Variants in ALK observed in about 807,000 individuals in gnomAD.
ALK encodes the protein ALK receptor tyrosine kinase, also known as ALK tyrosine kinase receptor.
A neutral mutation model predicts 163.1 loss-of-function variants in ALK; 74 were observed. The observed-to-expected ratio is 0.45, with a 90% CI of 0.38 to 0.55. ALK has a LOEUF of 0.55. ALK is among the 20% of genes least tolerant of loss of function. The pLI is 0.00. For synonymous variants in ALK, 960 were observed against 843.2 expected, an observed-to-expected ratio of 1.14 and a Z score of -2.40; for missense variants, 2,063 against 2,105.3, an observed-to-expected ratio of 0.98 and a Z score of 0.39.
chr2:29,357,430 G>C (rs1558691431), intron 5 of ALK, among the ~76,000 whole-genome samples: 1 of 152,174 alleles, frequency 6.6e-6, no homozygotes, highest in Non-Finnish European at 1.5e-5. Flanking sequence ...GGAGAAGTGG[G>C]CTCTTTATTC....
rs1459665867 is a variant in ALK at position 29,802,248 on chromosome 2, C to A, written c.668-84551G>T. Among the ~76,000 whole-genome samples, 3 of 149,112 alleles carry A rather than the reference C, an allele frequency of 2.0e-5. No homozygotes were observed. In the Admixed American group the frequency reaches 2.0e-4, roughly 10 times the overall value. On this transcript the variant is annotated intron_variant, in intron 1 of 28. Coordinates refer to ENST00000389048, the MANE Select transcript of ALK (RefSeq NM_004304.5). ...CTTAGAGGTTGATTGCACTGGGCAACTTCCATGGTCTTGCTTATCAAGAGA... is the reference window on the plus strand; with the variant it reads ...CTTAGAGGTTGATTGCACTGGGCAAATTCCATGGTCTTGCTTATCAAGAGA...
intron 4 of ALK, among the ~76,000 whole-genome samples, chr2:29,387,877 T>C (rs976300189): frequency 1.3e-5 from 2 of 152,278 alleles, no homozygotes; most frequent in Middle Eastern, 3.4e-3. Context: ...ATATTATTGC[T>C]CCAAGACTGC....
intron 4 of ALK, among the ~76,000 whole-genome samples, chr2:29,519,637 C>T (rs1247159843): frequency 6.6e-6 from 1 of 152,134 alleles, no homozygotes; most frequent in Non-Finnish European, 1.5e-5. Flanking sequence ...AGAGGTTAAA[C>T]AAGAAAGTTG....
At position 29,727,064 on chromosome 2, in the gene ALK, G is replaced by A. The variant is rs879037381; in HGVS notation, c.668-9367C>T. On this transcript the variant is annotated intron_variant, in intron 1 of 28. Transcript: ENST00000389048. ...TGCTTGCTGCATTCTCCTAACTGAG[G>A]ACAATAGATCCCTTTGGGTCAACCA... Among the ~76,000 whole-genome samples the A allele has an allele frequency of 4.6e-5, 7 of 152,184 alleles. No homozygotes were observed. The South Asian group carries it at 1.2e-3, about 27-fold the overall frequency.
chr2:29,510,547 GC>G (rs1672482317), intron 4 of ALK, among the ~76,000 whole-genome samples: 1 of 152,096 alleles, frequency 6.6e-6, no homozygotes, highest in South Asian at 2.1e-4. Context: ...TACTTCATAG[GC>G]TGCTATAAGT....
At chr2:29,633,947 A>G (rs983126022) in intron 3 of ALK, among the ~76,000 whole-genome samples, 1 of 152,224 alleles carries the variant, frequency 6.6e-6, no homozygotes, top group African/African-American at 2.4e-5. Context: ...AGAAATCTCC[A>G]GGACCAGATG....
intron 3 of ALK, among the ~76,000 whole-genome samples, chr2:29,571,681 C>T (rs1279378753): frequency 1.6e-5 from 2 of 128,728 alleles, no homozygotes; most frequent in African/African-American, 3.1e-5. Flanking sequence ...CAGTGGCATG[C>T]TCTTGGCTCA....
chr2:29,531,635 T>A (rs752970357), intron 4 of ALK, among the ~76,000 whole-genome samples: 10 of 152,114 alleles, frequency 6.6e-5, no homozygotes, highest in Non-Finnish European at 1.5e-4. Context: ...GTATCTGAAC[T>A]TTGGGAAATG....
At chr2:29,665,077 T>G (rs1228353774) in intron 3 of ALK, among the ~76,000 whole-genome samples, 1 of 150,772 alleles carries the variant, frequency 6.6e-6, no homozygotes, top group East Asian at 2.0e-4. Flanking sequence ...TATAGCTCAC[T>G]GCAGCCTTGA....
At chr2:29,215,783 GC>G (rs1669587924) in intron 23 of ALK, among the ~76,000 whole-genome samples, 1 of 152,328 alleles carries the variant, frequency 6.6e-6, no homozygotes, top group African/African-American at 2.4e-5. Flanking sequence ...CACTTCAGTG[GC>G]CCATCGAGCT....
chr2:29,807,446 T>C (rs1664649687), intron 1 of ALK, among the ~76,000 whole-genome samples: 1 of 152,236 alleles, frequency 6.6e-6, no homozygotes, highest in African/African-American at 2.4e-5. Context: ...GGGAGGGCTC[T>C]GTGCTCAGGG....
intron 2 of ALK, among the ~76,000 whole-genome samples, chr2:29,710,054 T>C (rs997201343): frequency 4.6e-5 from 7 of 152,190 alleles, no homozygotes; most frequent in African/African-American, 1.7e-4. Flanking sequence ...AATTGAATCA[T>C]GGGGGCAGGT....
chr2:29,577,122 C>T (rs1674546865), intron 3 of ALK, among the ~76,000 whole-genome samples: 1 of 152,108 alleles, frequency 6.6e-6, no homozygotes, highest in African/African-American at 2.4e-5. Context: ...TTCTTAGATG[C>T]CTGTCAGCCC....
intron 1 of ALK, among the ~76,000 whole-genome samples, chr2:29,860,037 C>G (rs1666240369): frequency 6.6e-6 from 1 of 151,922 alleles, no homozygotes; most frequent in Non-Finnish European, 1.5e-5. Context: ...CAGCAGTGGC[C>G]CATGAGAGGG....
intron 1 of ALK, among the ~76,000 whole-genome samples, chr2:29,875,166 T>C (rs1425673658): frequency 6.6e-6 from 1 of 152,170 alleles, no homozygotes; most frequent in East Asian, 1.9e-4. Context: ...ATTTATACAA[T>C]GGAATATCAT....
intron 3 of ALK, among the ~76,000 whole-genome samples, chr2:29,674,254 G>A (rs1345962390): frequency 6.6e-6 from 1 of 151,470 alleles, no homozygotes; most frequent in Admixed American, 6.6e-5. Flanking sequence ...TCTTGTGCCA[G>A]TTTTCAAAGG....
rs1672879628 is a variant in ALK at position 29,523,858 on chromosome 2, G to GTCTTTTTTTTTTT, written c.1154+8056_1154+8057insAAAAAAAAAAAGA. The stretch of plus-strand genomic sequence containing the variant: ...AGGTCAGAACTGGCAGAAGCTGAAG[G>GTCTTTTTTTTTTT]TTTTTTTTTTTTTTTTTTTTTTTTT... On this transcript the variant is annotated intron_variant, in intron 4 of 28. Transcript: ENST00000389048. Among the ~76,000 whole-genome samples the GTCTTTTTTTTTTT allele has an allele frequency of 1.8e-5, 2 of 110,950 alleles. 1 individual carries two copies. 72.8% of individuals were successfully genotyped at this position (110,950 alleles called of 152,430 possible). A position where few individuals can be genotyped will look rare whatever the true frequency, so the allele number is the denominator to read the frequency against.
intron 4 of ALK, among the ~76,000 whole-genome samples, chr2:29,497,644 A>G (rs1415443610): frequency 6.6e-6 from 1 of 152,174 alleles, no homozygotes; most frequent in African/African-American, 2.4e-5. Flanking sequence ...TTGTGTGTCC[A>G]GGCGCTGCAT....
At chr2:29,476,995 A>C (rs1165238434) in intron 4 of ALK, among the ~76,000 whole-genome samples, 2 of 152,184 alleles carry the variant, frequency 1.3e-5, no homozygotes, top group African/African-American at 2.4e-5. Context: ...CTGATAGACC[A>C]CACAGAGTTG....
Sources: allele counts gnomAD v4.1 joint callset (sites outside exome capture counted in the v4.1 genomes callset), GRCh38; gene constraint gnomAD v4.1.1; transcripts MANE v1.5; gene names NCBI Gene and HGNC (gene_info 2026-07-23, HGNC 2026-07-21).